Variants in GRM7 observed in about 807,000 individuals in gnomAD.
The protein encoded by GRM7 is glutamate metabotropic receptor 7.
Under a neutral mutation model 84.5 loss-of-function variants are expected in GRM7, and 35 were observed. That is an observed-to-expected ratio of 0.41 (90% CI 0.32 to 0.55). The LOEUF (loss-of-function observed/expected upper bound fraction) is 0.55, where lower values mean the gene tolerates loss of function less well. Ranked by LOEUF, GRM7 falls within the 20% of genes least tolerant of loss-of-function variation. GRM7 has a pLI of 0.19. For synonymous variants in GRM7, 487 were observed against 455.1 expected (o/e 1.07, Z -0.89); for missense variants, 1,003 against 1,194.6 (o/e 0.84, Z 2.36).
chr3:7,156,203 C>T (rs1487541198), intron 2 of GRM7, among the ~76,000 whole-genome samples: 5 of 152,084 alleles, frequency 3.3e-5, no homozygotes, highest in East Asian at 1.9e-4. Flanking sequence ...AGTAGAGTCT[C>T]GATCACAGGA....
At chr3:7,289,783 T>G (rs565721644) in intron 2 of GRM7, among the ~76,000 whole-genome samples, 1 of 144,930 alleles carries the variant, frequency 6.9e-6, no homozygotes, top group Admixed American at 7.5e-5. Context: ...CCACATGTTC[T>G]CACTTATAGG....
chr3:7,528,881 G>T (rs1700917152), intron 7 of GRM7, among the ~76,000 whole-genome samples: 1 of 152,020 alleles, frequency 6.6e-6, no homozygotes, highest in Non-Finnish European at 1.5e-5. Flanking sequence ...CTGAGAATAT[G>T]CTTGGTATGA....
chr3:7,385,630 T>A (rs1043475891), intron 4 of GRM7, among the ~76,000 whole-genome samples: 4 of 152,170 alleles, frequency 2.6e-5, no homozygotes, highest in African/African-American at 9.6e-5. Context: ...TACAGAAGTA[T>A]CAAAGCAATA....
chr3:7,210,787 AC>A, intron 2 of GRM7, among the ~76,000 whole-genome samples: 1 of 131,602 alleles, frequency 7.6e-6, no homozygotes, highest in Non-Finnish European at 1.6e-5. Flanking sequence ...ACAATTATGA[AC>A]ATGCTGTGTA....
rs115309653 is a variant in GRM7, at chr3:7,349,755, A to T, written c.1033+43103A>T. Among the ~76,000 whole-genome samples the T allele has an allele frequency of 5.5e-3, 843 of 152,264 alleles. 7 individuals carry two copies. The highest frequency in any genetic ancestry group is 0.019 in the African/African-American group (808 of 41,568). On this transcript the variant is annotated intron_variant, in intron 4 of 9. Coordinates refer to ENST00000357716, the MANE Select transcript of GRM7 (RefSeq NM_000844.4). ...AACAAGTTTATATTTGAGCAATTGC[A>T]TATGTAATTGTCAAGGGTATAGATG...
chr3:7,205,036 A>T (rs1696188888), intron 2 of GRM7, among the ~76,000 whole-genome samples: 1 of 152,228 alleles, frequency 6.6e-6, no homozygotes, highest in Non-Finnish European at 1.5e-5. Context: ...GAAGGACGGT[A>T]GCAGTGTGGA....
chr3:7,561,517 T>G (rs1314722010), intron 7 of GRM7: 2 of 456,448 alleles, frequency 4.4e-6, no homozygotes, highest in Non-Finnish European at 8.8e-6. Flanking sequence ...CATTTGTGCC[T>G]GCTACAGAAT....
chr3:7,073,643 C>T (rs762184381), intron 1 of GRM7, among the ~76,000 whole-genome samples: 2 of 152,112 alleles, frequency 1.3e-5, no homozygotes, highest in Non-Finnish European at 2.9e-5. Flanking sequence ...CTGTTGCTGT[C>T]GATGAGTACT....
intron 4 of GRM7, among the ~76,000 whole-genome samples, chr3:7,387,835 G>A (rs1443390672): frequency 6.6e-6 from 1 of 152,026 alleles, no homozygotes; most frequent in Non-Finnish European, 1.5e-5. Context: ...AAATGATGTT[G>A]ATAAATTGGT....
At chr3:7,441,357 T>C (rs1366061683) in intron 5 of GRM7, among the ~76,000 whole-genome samples, 2 of 152,186 alleles carry the variant, frequency 1.3e-5, no homozygotes, top group African/African-American at 4.8e-5. Flanking sequence ...TGCTTGTTAA[T>C]TTATTTAAGT....
At chr3:7,076,545 C>T (rs142683808) in intron 1 of GRM7, among the ~76,000 whole-genome samples, 1 of 152,208 alleles carries the variant, frequency 6.6e-6, no homozygotes, top group East Asian at 1.9e-4. Flanking sequence ...CTAAGGCCTC[C>T]TAGCTATGCA....
chr3:7,558,727 CTAAT>C (rs1371710283), intron 7 of GRM7, among the ~76,000 whole-genome samples: 17 of 152,124 alleles, frequency 1.1e-4, no homozygotes, highest in Admixed American at 2.0e-4. Flanking sequence ...GATTAAGAAA[CTAAT>C]TATAAGGCCT....
chr3:7,050,262 A>G (rs190597238), intron 1 of GRM7, among the ~76,000 whole-genome samples: 67 of 152,036 alleles, frequency 4.4e-4, no homozygotes, highest in African/African-American at 1.6e-3. Flanking sequence ...TGGAGGGGGA[A>G]GAAAATAACT....
At chr3:7,177,268 T>C (rs781340630) in intron 2 of GRM7, among the ~76,000 whole-genome samples, 23 of 152,158 alleles carry the variant, frequency 1.5e-4, no homozygotes, top group Admixed American at 6.5e-5. Flanking sequence ...TTTTGCTCCA[T>C]GCAATCAAGG....
intron 1 of GRM7, among the ~76,000 whole-genome samples, chr3:6,889,700 G>T (rs1429831518): frequency 4.0e-5 from 6 of 151,850 alleles, no homozygotes; most frequent in African/African-American, 1.2e-4. Flanking sequence ...TCTCTTTTTT[G>T]GTTGTGTCTC....
At chr3:7,049,191 A>G (rs1456089286) in intron 1 of GRM7, among the ~76,000 whole-genome samples, 2 of 152,068 alleles carry the variant, frequency 1.3e-5, no homozygotes, top group African/African-American at 4.8e-5. Flanking sequence ...ACCACATACT[A>G]TAATTGGGCT....
intron 1 of GRM7, among the ~76,000 whole-genome samples, chr3:7,054,681 T>C (rs1697148811): frequency 6.6e-6 from 1 of 151,972 alleles, no homozygotes; most frequent in Non-Finnish European, 1.5e-5. Context: ...TCTGCATATA[T>C]GGAATTGATC....
intron 2 of GRM7, among the ~76,000 whole-genome samples, chr3:7,273,791 T>C (rs1698953284): frequency 6.6e-6 from 1 of 151,880 alleles, no homozygotes; most frequent in Admixed American, 6.6e-5. Context: ...AACATATAGT[T>C]GAATCTTGTT....
intron 2 of GRM7, among the ~76,000 whole-genome samples, chr3:7,182,716 A>C (rs963057859): frequency 3.3e-5 from 5 of 152,176 alleles, no homozygotes; most frequent in African/African-American, 1.2e-4. Flanking sequence ...ACCAATAGTA[A>C]GAAGCCATGT....
Sources: allele counts gnomAD v4.1 joint callset (sites outside exome capture counted in the v4.1 genomes callset), GRCh38; gene constraint gnomAD v4.1.1; transcripts MANE v1.5; gene names NCBI Gene and HGNC (gene_info 2026-07-23, HGNC 2026-07-21).